Variants in DIAPH3 observed in about 807,000 individuals in gnomAD.
The protein encoded by DIAPH3 is diaphanous related formin 3, also known as protein diaphanous homolog 3.
DIAPH3 carries 117 observed loss-of-function variants against 144.3 expected under a neutral mutation model. The ratio of observed to expected loss-of-function variants is 0.81; its 90% CI spans 0.70 to 0.95. The LOEUF is 0.95. Among genes scored for constraint, DIAPH3 ranks in the 40% least tolerant of loss-of-function variants. DIAPH3 has a pLI of 0.00. For synonymous variants in DIAPH3, 519 were observed against 488.9 expected (o/e 1.06, Z -0.81); for missense variants, 1,421 against 1,412.7 (o/e 1.01, Z -0.09).
At chr13:59,827,572 C>T (rs2041514830) in intron 24 of DIAPH3, among the ~76,000 whole-genome samples, 1 of 151,888 alleles carries the variant, frequency 6.6e-6, no homozygotes, top group South Asian at 2.1e-4. Context: ...TTGTACTTTG[C>T]TAATAATTTT....
chr13:59,863,653 C>T (rs1266996350), intron 21 of DIAPH3, among the ~76,000 whole-genome samples: 2 of 152,030 alleles, frequency 1.3e-5, no homozygotes, highest in Admixed American at 1.3e-4. Flanking sequence ...GGTTCAAATG[C>T]TATGCTGACC....
intron 27 of DIAPH3, among the ~76,000 whole-genome samples, chr13:59,670,330 C>T (rs1290104917): frequency 6.6e-6 from 1 of 152,146 alleles, no homozygotes; most frequent in Non-Finnish European, 1.5e-5. Context: ...ATGTTTATAG[C>T]TTTCTTAGAA....
chr13:60,060,436 T>C (rs2056721282), intron 4 of DIAPH3, among the ~76,000 whole-genome samples: 1 of 152,022 alleles, frequency 6.6e-6, no homozygotes, highest in Non-Finnish European at 1.5e-5. Context: ...AATAAGCAAA[T>C]ATTCTCTTTT....
chr13:60,008,339 T>C (rs916959794), intron 9 of DIAPH3, among the ~76,000 whole-genome samples: 2 of 152,120 alleles, frequency 1.3e-5, no homozygotes, highest in Non-Finnish European at 1.5e-5. Flanking sequence ...GAGCTTTCAG[T>C]GAGCTGAGAA....
At chr13:59,917,923 T>TAAAAAAAAAA (rs2047308767) in intron 18 of DIAPH3, among the ~76,000 whole-genome samples, 1 of 109,040 alleles carries the variant, frequency 9.2e-6, no homozygotes, top group African/African-American at 3.4e-5. Context: ...AAAAAGTAAG[T>TAAAAAAAAAA]AGAAATTTAT....
At chr13:59,917,628 C>T (rs1010087463) in intron 18 of DIAPH3, among the ~76,000 whole-genome samples, 9 of 151,902 alleles carry the variant, frequency 5.9e-5, no homozygotes, top group Admixed American at 2.6e-4. Flanking sequence ...CGGTGGCTCA[C>T]GCCTGTAATC....
rs540487616 is a variant in DIAPH3 at position 59,763,249 on chromosome 13, TAA to T, written c.3319+10938_3319+10939del. 7.9e-5 allele frequency among the ~76,000 whole-genome samples: 12 copies of T among 152,136 alleles called. No individual in the cohort carries two copies. In the South Asian group the frequency reaches 2.1e-3, roughly 26 times the overall value. On this transcript the variant is annotated intron_variant, in intron 27 of 27. Transcript: ENST00000400324. ...ACATGTGTGTATATATATACACATA[TAA>T]GTGTATATACATATGTACACATATA...
chr13:59,993,620 T>C (rs1330714783), intron 9 of DIAPH3, among the ~76,000 whole-genome samples: 1 of 147,742 alleles, frequency 6.8e-6, no homozygotes, highest in East Asian at 2.0e-4. Flanking sequence ...CTGACCAGCA[T>C]GCCTCTACTG....
chr13:59,817,200 T>A (rs1007907598), intron 24 of DIAPH3, among the ~76,000 whole-genome samples: 1 of 151,898 alleles, frequency 6.6e-6, no homozygotes, highest in East Asian at 1.9e-4. Context: ...GAGTTTGAAT[T>A]CTATATACAC....
rs1421036319 is a variant in DIAPH3 at position 60,079,180 on chromosome 13, G to A, written c.495+14448C>T. 2.0e-5 allele frequency among the ~76,000 whole-genome samples: 3 copies of A among 152,056 alleles called. No individual in the cohort carries two copies. The East Asian group carries it at 5.8e-4, about 29-fold the overall frequency. On this transcript the variant is annotated intron_variant, in intron 4 of 27. Transcript: ENST00000400324. ...AATATATTTCTATGACCCCATTGGG[G>A]AAAGGGCAGAAAACAAAGTTCACCA... is the stretch of plus-strand genomic sequence containing the variant.
intron 27 of DIAPH3, among the ~76,000 whole-genome samples, chr13:59,714,784 G>A (rs541597996): frequency 6.6e-6 from 1 of 152,128 alleles, no homozygotes; most frequent in African/African-American, 2.4e-5. Context: ...TTTTTGATAT[G>A]GCTAACTGGG....
At chr13:59,780,445 T>C (rs919651852) in intron 25 of DIAPH3, among the ~76,000 whole-genome samples, 6 of 152,166 alleles carry the variant, frequency 3.9e-5, no homozygotes, top group African/African-American at 1.2e-4. Context: ...AATTAGTCAG[T>C]TTTTCTTAGA....
chr13:59,886,446 T>C (rs1164530035), intron 20 of DIAPH3, among the ~76,000 whole-genome samples: 1 of 152,138 alleles, frequency 6.6e-6, no homozygotes, highest in Non-Finnish European at 1.5e-5. Flanking sequence ...CTATATTCTA[T>C]GTCCTTTGCA....
chr13:59,756,453 G>A (rs2057580423), intron 27 of DIAPH3, among the ~76,000 whole-genome samples: 1 of 146,116 alleles, frequency 6.8e-6, no homozygotes, highest in Non-Finnish European at 1.5e-5. Context: ...AAGAAGGAAG[G>A]AAGGAAGGAA....
At chr13:60,123,349 A>C (rs560869163) in intron 2 of DIAPH3, among the ~76,000 whole-genome samples, 1 of 152,344 alleles carries the variant, frequency 6.6e-6, no homozygotes, top group Non-Finnish European at 1.5e-5. Context: ...CTAGGCACTC[A>C]ACAAATTATT....
intron 9 of DIAPH3, among the ~76,000 whole-genome samples, chr13:59,999,897 C>T (rs1216045166): frequency 6.6e-6 from 1 of 152,178 alleles, no homozygotes; most frequent in Admixed American, 6.5e-5. Context: ...CTAACAGCCT[C>T]ATTTCACAAT....
chr13:60,032,738 T>C (rs1402429193), intron 5 of DIAPH3, among the ~76,000 whole-genome samples: 2 of 152,246 alleles, frequency 1.3e-5, no homozygotes, highest in African/African-American at 4.8e-5. Context: ...TTTTCCCTCA[T>C]CGTCTTAGAC....
intron 27 of DIAPH3, among the ~76,000 whole-genome samples, chr13:59,725,974 T>C (rs1325741388): frequency 2.6e-5 from 4 of 152,222 alleles, no homozygotes; most frequent in Non-Finnish European, 5.9e-5. Flanking sequence ...TAAAAATTTA[T>C]AATTACTTAT....
In DIAPH3 at chr13:59,812,268, C is replaced by G. The variant is rs868189776; in HGVS notation, c.3028-1345G>C. On this transcript the variant is annotated intron_variant, in intron 24 of 27. Coordinates refer to ENST00000400324, the MANE Select transcript of DIAPH3 (RefSeq NM_001042517.2). ...TGCATGCATCCATCCATCCATCCAT[C>G]CATCCATCCATCCATCCATCCATCC... Among the ~76,000 whole-genome samples the G allele has an allele frequency of 1.4e-3, 209 of 150,928 alleles. 2 individuals carry two copies. In the East Asian group the frequency reaches 0.019, roughly 13 times the overall value.
Sources: allele counts gnomAD v4.1 joint callset (sites outside exome capture counted in the v4.1 genomes callset), GRCh38; gene constraint gnomAD v4.1.1; transcripts MANE v1.5; gene names NCBI Gene and HGNC (gene_info 2026-07-23, HGNC 2026-07-21).